Variants in ATF3 observed in about 807,000 individuals in gnomAD.
The protein encoded by ATF3 is cyclic AMP-dependent transcription factor ATF-3.
Under a neutral mutation model 18.4 loss-of-function variants are expected in ATF3, and 10 were observed. The ratio of observed to expected loss-of-function variants is 0.54; its 90% CI spans 0.34 to 0.92. The LOEUF is 0.92. Ranked by LOEUF, ATF3 falls within the 40% of genes least tolerant of loss-of-function variation. The pLI is 0.02. For missense variants in ATF3, 183 were observed against 222.3 expected, an observed-to-expected ratio of 0.82 and a Z score of 1.12; for synonymous variants, 78 against 87.9, an observed-to-expected ratio of 0.89 and a Z score of 0.63.
intron 1 of ATF3, among the ~76,000 whole-genome samples, chr1:212,610,174 C>T (rs939929047): frequency 5.3e-5 from 8 of 152,206 alleles, no homozygotes; most frequent in Non-Finnish European, 1.2e-4. Context: ...CATCTACTTC[C>T]TTTCCTCCTA....
chr1:212,619,082 T>G lies in ATF3; in HGVS notation c.349-276T>G, dbSNP rs751023084. 1 of 1,614,212 alleles carries G rather than the reference T, an allele frequency of 6.2e-7. No homozygotes were observed. Among genetic ancestry groups the G allele is most frequent in the East Asian group, 2.2e-5 (1 of 44,890 alleles). Reference sequence around the variant, plus strand: ...CTTTTGGGTCCAGAAGACCTGCATATGGGCTGTTGACTCATGCAAATGAGG... The same window carrying G: ...CTTTTGGGTCCAGAAGACCTGCATAGGGGCTGTTGACTCATGCAAATGAGG... On this transcript the variant is annotated intron_variant, in intron 3 of 3. Transcript: ENST00000341491. The surrounding 1 kb of genome is among the most constrained non-coding windows in gnomAD (Gnocchi z 4.4).
chr1:212,567,127 A>G (rs1664396313), intron 1 of ATF3, among the ~76,000 whole-genome samples: 1 of 151,994 alleles, frequency 6.6e-6, no homozygotes, highest in Non-Finnish European at 1.5e-5. Flanking sequence ...CCGCCCACAG[A>G]AAGGGGTTTT....
chr1:212,616,615 A>G (rs987627230), intron 2 of ATF3, among the ~76,000 whole-genome samples: 3 of 152,094 alleles, frequency 2.0e-5, no homozygotes, highest in Non-Finnish European at 4.4e-5. Flanking sequence ...ATATTTTTAA[A>G]TGATCACCCT....
intron 1 of ATF3, chr1:212,614,053 A>T (rs1278591314): frequency 6.6e-6 from 1 of 152,192 alleles, no homozygotes; most frequent in East Asian, 1.9e-4. Context: ...CAGTTGGCCA[A>T]TGAGGCATGG....
intron 1 of ATF3, among the ~76,000 whole-genome samples, chr1:212,609,872 A>G (rs1654822965): frequency 6.6e-6 from 1 of 152,066 alleles, no homozygotes; most frequent in African/African-American, 2.4e-5. Flanking sequence ...ATAAGGGCAC[A>G]TGGGCAGTAC....
chr1:212,599,047 C>T (rs1654403015), intron 1 of ATF3, among the ~76,000 whole-genome samples: 1 of 152,202 alleles, frequency 6.6e-6, no homozygotes, highest in East Asian at 1.9e-4. Context: ...AACTGTTTTC[C>T]ATAATGGCTG....
chr1:212,587,189 C>T (rs776923120), intron 1 of ATF3, among the ~76,000 whole-genome samples: 4 of 152,078 alleles, frequency 2.6e-5, no homozygotes, highest in South Asian at 4.1e-4. Context: ...TTTAAAAGAC[C>T]GTGTTTGATA....
intron 1 of ATF3, among the ~76,000 whole-genome samples, chr1:212,575,474 A>G (rs753847429): frequency 7.9e-5 from 12 of 152,156 alleles, no homozygotes; most frequent in Non-Finnish European, 1.6e-4. Flanking sequence ...TCACATTTTC[A>G]GCAAACGAAA....
Position 212,619,707 on chromosome 1 carries a change from C to A in ATF3, c.*152C>A. ...GGCGGGAGGGCCTGCAGTGATTCAG[C>A]AGGCCCTTCCCATTCTGCCCCAGAG... is the stretch of plus-strand genomic sequence containing the variant. On this transcript the variant is annotated 3_prime_UTR_variant, in exon 4 of 4. Coordinates refer to ENST00000341491, the MANE Select transcript of ATF3 (RefSeq NM_001674.4). This position sits in a 1 kb window ranked among gnomAD's most constrained non-coding sequence, Gnocchi z 4.4. 9.6e-7 allele frequency: 1 copy of A among 1,043,318 alleles called. No individual in the cohort carries two copies. The highest frequency in any genetic ancestry group is 1.4e-6 in the Non-Finnish European group (1 of 723,194). 64.6% of individuals were successfully genotyped at this position (1,043,318 alleles called of 1,614,324 possible). A position where few individuals can be genotyped will look rare whatever the true frequency, so the allele number is the denominator to read the frequency against.
rs537311529 is a variant in ATF3, at chr1:212,579,512, G to A, written c.-5+14029G>A. 3.9e-5 allele frequency among the ~76,000 whole-genome samples: 6 copies of A among 152,352 alleles called. 2 individuals carry two copies. Among genetic ancestry groups the A allele is most frequent in the African/African-American group, 1.4e-4 (6 of 41,576 alleles). On this transcript the variant is annotated intron_variant, in intron 1 of 3. Coordinates refer to the ATF3 transcript ENST00000366981. The stretch of plus-strand genomic sequence containing the variant: ...CTAACATGTCAAAAACTGAAGGACT[G>A]AACCTTTGGAGTTTAATCTGGAGCT...
chr1:212,582,985 A>G (rs1664712797), intron 1 of ATF3, among the ~76,000 whole-genome samples: 1 of 152,012 alleles, frequency 6.6e-6, no homozygotes, highest in Non-Finnish European at 1.5e-5. Flanking sequence ...GCTGACCCCT[A>G]TTTCCATGGT....
intron 1 of ATF3, among the ~76,000 whole-genome samples, chr1:212,591,546 G>A (rs1000675107): frequency 5.9e-5 from 9 of 152,110 alleles, no homozygotes; most frequent in Admixed American, 2.0e-4. Context: ...CATCCCCCCC[G>A]CCCCAGTCCA....
intron 1 of ATF3, among the ~76,000 whole-genome samples, chr1:212,569,304 C>T (rs377673460): frequency 1.6e-3 from 250 of 152,238 alleles, no homozygotes; most frequent in African/African-American, 3.1e-3. Context: ...GAGCCTAGGA[C>T]GAGGTAGAGA....
intron 1 of ATF3, among the ~76,000 whole-genome samples, chr1:212,569,947 G>C (rs1664450709): frequency 6.6e-6 from 1 of 151,922 alleles, no homozygotes; most frequent in Non-Finnish European, 1.5e-5. Flanking sequence ...GATATATGTT[G>C]CTCTTGATGT....
At chr1:212,614,528 A>G (rs1655020947) in intron 1 of ATF3, among the ~76,000 whole-genome samples, 1 of 151,678 alleles carries the variant, frequency 6.6e-6, no homozygotes, top group African/African-American at 2.4e-5. Flanking sequence ...GCTTGACGTC[A>G]AGCCTCTTTG....
At chr1:212,599,960 T>G (rs2102640784) in intron 1 of ATF3, among the ~76,000 whole-genome samples, 1 of 152,338 alleles carries the variant, frequency 6.6e-6, no homozygotes, top group African/African-American at 2.4e-5. Context: ...CCCCCGAAAG[T>G]GAGGGAAGCT....
At chr1:212,613,138 G>T (rs1319553834) in intron 1 of ATF3, among the ~76,000 whole-genome samples, 4 of 152,086 alleles carry the variant, frequency 2.6e-5, no homozygotes, top group Non-Finnish European at 5.9e-5. Flanking sequence ...AGACCCACTT[G>T]CTCACACTCC....
intron 1 of ATF3, among the ~76,000 whole-genome samples, chr1:212,600,925 C>T (rs1654465818): frequency 6.6e-6 from 1 of 152,146 alleles, no homozygotes; most frequent in African/African-American, 2.4e-5. Flanking sequence ...TGCTGGACTT[C>T]TGCTTCATGT....
At position 212,615,132 on chromosome 1, in the gene ATF3, G is replaced by C. The variant is rs1220037881; in HGVS notation, c.111G>C (p.Leu37=). The C allele has an allele frequency of 6.2e-7, 1 of 1,614,178 alleles. No individual in the cohort carries two copies. Among genetic ancestry groups the C allele is most frequent in the Admixed American group, 1.7e-5 (1 of 60,020 alleles). The part of the protein sequence containing the change: ...GSLVFEDFAN[L]TPFVKEELRF... Reference sequence around the variant, plus strand: ...TGGTGTTTGAGGATTTTGCTAACCTGACGCCCTTTGTCAAGGAAGAGCTGA... The same window carrying C: ...TGGTGTTTGAGGATTTTGCTAACCTCACGCCCTTTGTCAAGGAAGAGCTGA... The change falls in exon 2 of 4, where the codon CTG becomes CTC. Residue 37 remains leucine (L), a synonymous_variant. Coordinates refer to ENST00000341491, the MANE Select transcript of ATF3 (RefSeq NM_001674.4).
Sources: allele counts gnomAD v4.1 joint callset (sites outside exome capture counted in the v4.1 genomes callset), GRCh38; gene constraint gnomAD v4.1.1; non-coding constraint Gnocchi (gnomAD v3.1); transcripts MANE v1.5; gene names NCBI Gene and HGNC (gene_info 2026-07-23, HGNC 2026-07-21).